Variants in NOL4 observed in about 807,000 individuals in gnomAD.
The protein encoded by NOL4 is nucleolar protein 4.
A neutral mutation model predicts 75.9 loss-of-function variants in NOL4; 17 were observed. That is an observed-to-expected ratio of 0.22 (90% CI 0.15 to 0.34). The LOEUF is 0.34. NOL4 is among the 10% of genes least tolerant of loss of function. NOL4 has a pLI of 1.00. For synonymous variants in NOL4, 292 were observed against 289.9 expected, an observed-to-expected ratio of 1.01 and a Z score of -0.07; for missense variants, 614 against 793.5, an observed-to-expected ratio of 0.77 and a Z score of 2.72.
At chr18:33,856,338 C>T (rs2144159018) in intron 10 of NOL4, among the ~76,000 whole-genome samples, 1 of 151,984 alleles carries the variant, frequency 6.6e-6, no homozygotes, top group East Asian at 1.9e-4. Context: ...GTAAAGTAAC[C>T]TCTAATATAT....
chr18:34,030,878 TTACTC>T (rs1156383345), intron 5 of NOL4, among the ~76,000 whole-genome samples: 2 of 152,098 alleles, frequency 1.3e-5, no homozygotes, highest in Non-Finnish European at 2.9e-5. Context: ...AGATGATTAT[TTACTC>T]TATTGCTTAA....
Position 33,985,363 on chromosome 18 carries a change from A to G in NOL4, c.1057-26945T>C, listed in dbSNP as rs572914043. On this transcript the variant is annotated intron_variant, in intron 6 of 10. Transcript: ENST00000261592. Reference sequence around the variant, plus strand: ...GGGGAAATAAAACCTTGATAGGCACATAATTGTGAGTTTCTAAATATCTTA... The same window carrying G: ...GGGGAAATAAAACCTTGATAGGCACGTAATTGTGAGTTTCTAAATATCTTA... 9.9e-5 allele frequency among the ~76,000 whole-genome samples: 15 copies of G among 152,250 alleles called. No homozygotes were observed. The East Asian group carries it at 2.9e-3, about 29-fold the overall frequency.
At chr18:33,925,734 T>C (rs2067285732) in intron 9 of NOL4, among the ~76,000 whole-genome samples, 1 of 152,144 alleles carries the variant, frequency 6.6e-6, no homozygotes, top group Non-Finnish European at 1.5e-5. Context: ...TGTGTTGGTC[T>C]TTTTTCTCCT....
At chr18:34,221,413 A>C (rs929126419) in intron 1 of NOL4, 3 of 152,172 alleles carry the variant, frequency 2.0e-5, no homozygotes, top group African/African-American at 7.2e-5. Context: ...AAAGCACTTC[A>C]TTCTGTATAT....
chr18:33,914,206 T>C (rs2066575748), intron 9 of NOL4, among the ~76,000 whole-genome samples: 1 of 152,006 alleles, frequency 6.6e-6, no homozygotes, highest in African/African-American at 2.4e-5. Context: ...AAAAGGTGGT[T>C]TTTGAGTAAA....
chr18:34,033,053 A>G (rs927681541), intron 5 of NOL4, among the ~76,000 whole-genome samples: 10 of 152,228 alleles, frequency 6.6e-5, no homozygotes, highest in Non-Finnish European at 2.9e-5. Context: ...TATTCAGGAA[A>G]AAGTCCTCCC....
intron 1 of NOL4, among the ~76,000 whole-genome samples, chr18:34,162,294 G>A (rs1011970880): frequency 6.6e-6 from 1 of 152,008 alleles, no homozygotes; most frequent in South Asian, 2.1e-4. Context: ...TTAATGAATC[G>A]AGGAGATGGT....
At chr18:34,101,655 A>G (rs1335727159) in intron 4 of NOL4, among the ~76,000 whole-genome samples, 2 of 152,152 alleles carry the variant, frequency 1.3e-5, no homozygotes, top group Non-Finnish European at 2.9e-5. Context: ...CGCAAACTCC[A>G]AAAGTTATTC....
intron 1 of NOL4, among the ~76,000 whole-genome samples, chr18:34,189,193 T>G (rs1199928244): frequency 1.3e-5 from 2 of 152,014 alleles, no homozygotes; most frequent in Non-Finnish European, 2.9e-5. Context: ...GGCACAAAAG[T>G]GGAAGTGCAA....
chr18:34,049,448 TCTGA>T lies in NOL4; in HGVS notation c.773-29851_773-29848del, dbSNP rs201829607. ...ACAGTTGATAGTATACTGTAATAGT[TCTGA>T]CTATTTTGAACATTGAACATTCATT... On this transcript the variant is annotated intron_variant, in intron 5 of 10. Coordinates refer to ENST00000261592, the MANE Select transcript of NOL4 (RefSeq NM_003787.5). Among the ~76,000 whole-genome samples, 832 of 152,206 alleles carry T rather than the reference TCTGA, an allele frequency of 5.5e-3. 8 individuals are homozygous for T. Among genetic ancestry groups the T allele is most frequent in the African/African-American group, 0.017 (705 of 41,538 alleles).
chr18:33,916,759 T>C (rs2145210000), intron 9 of NOL4, among the ~76,000 whole-genome samples: 1 of 152,326 alleles, frequency 6.6e-6, no homozygotes, highest in African/African-American at 2.4e-5. Flanking sequence ...GTACTAAATG[T>C]ATCTATGTTT....
chr18:34,167,264 T>C (rs1003022487), intron 1 of NOL4, among the ~76,000 whole-genome samples: 1 of 152,002 alleles, frequency 6.6e-6, no homozygotes, highest in Non-Finnish European at 1.5e-5. Flanking sequence ...CAATCCCTAA[T>C]GGATACCAAG....
intron 6 of NOL4, among the ~76,000 whole-genome samples, chr18:34,009,168 G>T (rs2074231307): frequency 6.6e-6 from 1 of 151,744 alleles, no homozygotes; most frequent in Non-Finnish European, 1.5e-5. Flanking sequence ...ATATTAAGGA[G>T]CAGAGATAAG....
intron 1 of NOL4, among the ~76,000 whole-genome samples, chr18:34,204,835 T>C (rs2036008423): frequency 6.6e-6 from 1 of 152,060 alleles, no homozygotes; most frequent in Non-Finnish European, 1.5e-5. Flanking sequence ...AGAATTAAAT[T>C]TAGTTGTCAG....
At chr18:34,213,511 A>G (rs564811348) in intron 1 of NOL4, among the ~76,000 whole-genome samples, 2 of 152,006 alleles carry the variant, frequency 1.3e-5, no homozygotes, top group Non-Finnish European at 2.9e-5. Context: ...GATGATCTCG[A>G]TCTCTTGACC....
intron 6 of NOL4, among the ~76,000 whole-genome samples, chr18:34,005,235 C>T (rs997827108): frequency 6.6e-6 from 1 of 151,984 alleles, no homozygotes; most frequent in African/African-American, 2.4e-5. Context: ...AATTCAATGG[C>T]CCATTTTGCT....
At chr18:33,984,591 C>T (rs2072280103) in intron 6 of NOL4, among the ~76,000 whole-genome samples, 1 of 152,042 alleles carries the variant, frequency 6.6e-6, no homozygotes, top group African/African-American at 2.4e-5. Flanking sequence ...TGGTACCTCC[C>T]CTCCTCTCTC....
At chr18:33,865,040 G>C (rs1394376589) in intron 10 of NOL4, among the ~76,000 whole-genome samples, 3 of 152,122 alleles carry the variant, frequency 2.0e-5, no homozygotes, top group Admixed American at 1.3e-4. Context: ...ATTACAATTT[G>C]AAATGAGATT....
At chr18:34,119,913 C>T (rs2080057435) in intron 2 of NOL4, among the ~76,000 whole-genome samples, 1 of 152,080 alleles carries the variant, frequency 6.6e-6, no homozygotes, top group African/African-American at 2.4e-5. Context: ...TAAGCCACCG[C>T]GCCCGGCCTG....
Sources: gnomAD v4.1 joint callset for allele counts (sites outside exome capture counted in the v4.1 genomes callset) on GRCh38, gnomAD v4.1.1 for gene constraint, MANE v1.5 for transcripts, NCBI Gene and HGNC (gene_info 2026-07-23, HGNC 2026-07-21) for gene names.